DHDDS: variants seen among roughly 807,000 people sequenced by gnomAD.
DHDDS encodes dehydrodolichyl diphosphate synthase subunit.
A neutral mutation model predicts 46.2 loss-of-function variants in DHDDS; 16 were observed. The ratio of observed to expected loss-of-function variants is 0.35; its 90% CI spans 0.23 to 0.53. The LOEUF (loss-of-function observed/expected upper bound fraction) is 0.53, where lower values mean the gene tolerates loss of function less well. Among genes scored for constraint, DHDDS ranks in the 20% least tolerant of loss-of-function variants. The pLI is 0.94. For synonymous variants in DHDDS, 151 were observed against 163.1 expected, an observed-to-expected ratio of 0.93 and a Z score of 0.56; for missense variants, 340 against 423.7, an observed-to-expected ratio of 0.80 and a Z score of 1.73.
intron 6 of DHDDS, among the ~76,000 whole-genome samples, chr1:26,450,198 T>C (rs1226113958): frequency 1.3e-5 from 2 of 152,166 alleles, no homozygotes; most frequent in Non-Finnish European, 2.9e-5. Context: ...CACTGTCTCC[T>C]GGGCTGGAGT....
rs190976855 is a variant in DHDDS, at chr1:26,464,283, G to A, written c.765+4139G>A. 6.5e-4 allele frequency among the ~76,000 whole-genome samples: 99 copies of A among 152,250 alleles called. 2 individuals are homozygous for A. The highest frequency in any genetic ancestry group is 2.3e-3 in the African/African-American group (94 of 41,550). On this transcript the variant is annotated intron_variant, in intron 8 of 8. Coordinates refer to ENST00000236342, the MANE Select transcript of DHDDS (RefSeq NM_205861.3). ...GCTAGGATTACAGGCATGAGCCGCT[G>A]CGCCCGGCCTATATTTGCAAACTTT...
chr1:26,447,372 GT>G (rs1278523053), intron 5 of DHDDS, among the ~76,000 whole-genome samples, 186 bp from the exon 6 acceptor site: 1 of 151,994 alleles, frequency 6.6e-6, no homozygotes, highest in African/African-American at 2.4e-5. Context: ...CTAGTTACAT[GT>G]TTATTCCAAG....
At chr1:26,447,451 T>C in intron 5 of DHDDS, 108 bp from the exon 6 acceptor site, 1 of 839,020 alleles carries the variant, frequency 1.2e-6, no homozygotes, top group Non-Finnish European at 2.0e-6. Flanking sequence ...ACATTTGATG[T>C]GTATTTGTTT....
intron 6 of DHDDS, among the ~76,000 whole-genome samples, chr1:26,454,157 G>T (rs925392429): frequency 1.3e-5 from 2 of 152,128 alleles, no homozygotes; most frequent in Non-Finnish European, 2.9e-5. Flanking sequence ...GTTTCATCGT[G>T]TTAGCCAGGA....
chr1:26,452,368 G>A (rs1570350353), intron 6 of DHDDS, among the ~76,000 whole-genome samples: 1 of 152,252 alleles, frequency 6.6e-6, no homozygotes, highest in African/African-American at 2.4e-5. Flanking sequence ...TTTTTTAGCA[G>A]TTAAATTAAT....
Position 26,442,823 on chromosome 1 carries a change from C to G in DHDDS, c.273C>G (p.Asp91Glu), listed in dbSNP as rs201045286. ...TCAAACGCTCCAAGAGTGAGGTAGA[C>G]GGGCTTATGGATCTGGCCCGGCAGA... ...ENFKRSKSEV[D>E]GLMDLARQKF... The change falls in exon 4 of 9, where the codon GAC becomes GAG. Residue 91 changes from aspartate (D) to glutamate (E), a missense_variant. Physicochemically the swap from Asp to Glu is conservative, Grantham distance 45 (BLOSUM62 2). This residue lies in a region of DHDDS where 72 missense variants were observed against 123.5 expected (regional missense o/e 0.58). Transcript: ENST00000236342. The G allele has an allele frequency of 6.2e-7, 1 of 1,614,038 alleles. No homozygotes were observed. The highest frequency in any genetic ancestry group is 1.3e-5 in the African/African-American group (1 of 74,922).
chr1:26,448,475 C>T (rs909203033), intron 6 of DHDDS: 2 of 152,652 alleles, frequency 1.3e-5, no homozygotes, highest in Non-Finnish European at 2.9e-5. Flanking sequence ...CCAGCCGATT[C>T]AGGGATTTTT....
At chr1:26,439,281 A>G (rs1202852362) in intron 3 of DHDDS, among the ~76,000 whole-genome samples, 4 of 152,156 alleles carry the variant, frequency 2.6e-5, no homozygotes, top group Non-Finnish European at 5.9e-5. Flanking sequence ...TTCTATCTGT[A>G]TCTTTCAATG....
In DHDDS at chr1:26,432,926, C is replaced by A. The variant is rs2075118139; in HGVS notation, c.-20C>A. On this transcript the variant is annotated 5_prime_UTR_variant, in exon 2 of 9. Coordinates refer to ENST00000236342, the MANE Select transcript of DHDDS (RefSeq NM_205861.3). The stretch of plus-strand genomic sequence containing the variant: ...TGGTGTTTGCTTGTTCTGGAGTGAT[C>A]TTCTGACTGGAAAAGAACTATGTCA... The A allele has an allele frequency of 1.9e-6, 3 of 1,613,910 alleles. No individual in the cohort carries two copies. In the Admixed American group the frequency reaches 5.0e-5, roughly 27 times the overall value.
chr1:26,468,811 G>GGCCCCCCCCCCACCACC, intron 8 of DHDDS, 84 bp from the exon 9 acceptor site: 14 of 637,946 alleles, frequency 2.2e-5, no homozygotes, highest in East Asian at 4.0e-5. Flanking sequence ...CCCACCCTGT[G>GGCCCCCCCCCCACCACC]CCCCACCCCC....
intron 7 of DHDDS, 138 bp downstream of exon 7, chr1:26,458,043 A>T: frequency 1.4e-6 from 1 of 733,150 alleles, no homozygotes; most frequent in Non-Finnish European, 2.4e-6. Flanking sequence ...AATCTGGAGA[A>T]GCATCTCTAG....
At chr1:26,448,949 G>T (rs2075294287) in intron 6 of DHDDS, among the ~76,000 whole-genome samples, 1 of 152,130 alleles carries the variant, frequency 6.6e-6, no homozygotes, top group Admixed American at 6.5e-5. Context: ...AAGTTACTTG[G>T]TGAGAATAGA....
chr1:26,437,805 A>AG (rs1553120999), intron 2 of DHDDS, among the ~76,000 whole-genome samples: 3 of 151,892 alleles, frequency 2.0e-5, no homozygotes, highest in East Asian at 3.9e-4. Flanking sequence ...AGAAAAAAAA[A>AG]AAAAGAAAAG....
chr1:26,448,951 G>A (rs1362435720), intron 6 of DHDDS, among the ~76,000 whole-genome samples: 2 of 152,144 alleles, frequency 1.3e-5, no homozygotes, highest in Non-Finnish European at 1.5e-5. Flanking sequence ...GTTACTTGGT[G>A]AGAATAGAAT....
chr1:26,458,737 C>CAAAAAA (rs11381495), intron 7 of DHDDS, among the ~76,000 whole-genome samples: 41 of 71,214 alleles, frequency 5.8e-4, no homozygotes, highest in Middle Eastern at 8.8e-3. Context: ...GACTCTGTCG[C>CAAAAAA]AAAAAAAAAA....
chr1:26,451,863 C>T (rs1239007338), intron 6 of DHDDS, among the ~76,000 whole-genome samples: 1 of 151,924 alleles, frequency 6.6e-6, no homozygotes, highest in African/African-American at 2.4e-5. Flanking sequence ...CTCCTGACCT[C>T]GTGATCTGCC....
intron 3 of DHDDS, among the ~76,000 whole-genome samples, chr1:26,440,482 A>G (rs1439591223): frequency 1.3e-5 from 2 of 152,236 alleles, no homozygotes; most frequent in African/African-American, 4.8e-5. Flanking sequence ...TGGGGTTAGC[A>G]ATCTCTATCT....
chr1:26,446,951 C>T (rs1200392293), intron 5 of DHDDS, among the ~76,000 whole-genome samples: 3 of 152,184 alleles, frequency 2.0e-5, no homozygotes, highest in Non-Finnish European at 4.4e-5. Flanking sequence ...AAATCTCCTT[C>T]CTATTTTCCT....
Position 26,442,849 on chromosome 1 carries a change from A to G in DHDDS, c.299A>G (p.Lys100Arg), listed in dbSNP as rs755746499. 5 of 1,614,124 alleles carry G rather than the reference A, an allele frequency of 3.1e-6. No individual in the cohort carries two copies. Among genetic ancestry groups the G allele is most frequent in the Non-Finnish European group, 4.2e-6 (5 of 1,180,038 alleles). ...VDGLMDLARQ[K>R]FSRLMEEKEK... ...GGGCTTATGGATCTGGCCCGGCAGA[A>G]GTTCAGCCGCTTGATGGAAGAAAAG... Residue 100 changes from lysine (K) to arginine (R), a missense_variant, in exon 4 of 9, where the codon AAG (lysine) becomes AGG (arginine). Coordinates refer to ENST00000236342, the MANE Select transcript of DHDDS (RefSeq NM_205861.3).
Sources: gnomAD v4.1 joint callset for allele counts (sites outside exome capture counted in the v4.1 genomes callset) on GRCh38, gnomAD v4.1.1 for gene constraint, gnomAD v4.1.1 regional missense constraint, MANE v1.5 for transcripts, NCBI Gene and HGNC (gene_info 2026-07-23, HGNC 2026-07-21) for gene names.